The following AKAP13 variants were observed in gnomAD, a reference collection of about 807,000 sequenced individuals.
AKAP13 encodes A-kinase anchor protein 13.
Under a neutral mutation model 264.5 loss-of-function variants are expected in AKAP13, and 80 were observed. That is an observed-to-expected ratio of 0.30 (90% CI 0.25 to 0.36). The LOEUF is 0.36. Among genes scored for constraint, AKAP13 ranks in the 10% least tolerant of loss-of-function variants. The pLI is 1.00. For missense variants in AKAP13, 3,712 were observed against 3,435.2 expected (o/e 1.08, Z -2.01); for synonymous variants, 1,380 against 1,250.2 (o/e 1.10, Z -2.19).
chr15:85,747,493 A>C lies in AKAP13; in HGVS notation c.*2816A>C, dbSNP rs562050440. 1 of 152,712 alleles carries C rather than the reference A, an allele frequency of 6.5e-6. No homozygotes were observed. Among genetic ancestry groups the C allele is most frequent in the South Asian group, 2.1e-4 (1 of 4,826 alleles). The allele number at this position is 152,712 out of a possible 1,614,324, so 9.5% of individuals were successfully genotyped here. The stretch of plus-strand genomic sequence containing the variant: ...AATCACGTGCCTGAAACTGTGCTTA[A>C]GTTTTGGGGGAAAGATGGAGTTCCT... On this transcript the variant is annotated 3_prime_UTR_variant, in exon 37 of 37. Coordinates refer to ENST00000394518, the MANE Select transcript of AKAP13 (RefSeq NM_007200.5).
At chr15:85,571,268 C>CTT (rs35814250) in intron 5 of AKAP13, among the ~76,000 whole-genome samples, 77,422 of 151,122 alleles carry the variant, frequency 0.51, 20,026 homozygotes, top group Middle Eastern at 0.64. Context: ...GACTTATGTA[C>CTT]TTTTTTTTTA....
intron 1 of AKAP13, chr15:85,415,611 C>G (rs140894953): frequency 6.3e-6 from 9 of 1,430,044 alleles, no homozygotes; most frequent in African/African-American, 1.4e-5. Flanking sequence ...CACCTGTACT[C>G]GGATCTATGA....
Position 85,730,604 on chromosome 15 carries a change from C to T in AKAP13, c.7179C>T (p.Leu2393=). 1.2e-6 allele frequency: 2 copies of T among 1,614,158 alleles called. No individual in the cohort carries two copies. The highest frequency in any genetic ancestry group is 8.5e-7 in the Non-Finnish European group (1 of 1,180,006). ...FRDMAECSTP[L]PEDCSPTHSP... ...ACATGGCTGAGTGCAGCACCCCTCT[C>T]CCAGAGGATTGCTCCCCAACACATA... Residue 2393 remains leucine (L), a synonymous_variant, in exon 30 of 37, where the codon CTC becomes CTT. Coordinates refer to ENST00000394518, the MANE Select transcript of AKAP13 (RefSeq NM_007200.5).
chr15:85,627,623 A>C (rs1399781432), intron 8 of AKAP13: 1 of 152,226 alleles, frequency 6.6e-6, no homozygotes, highest in Non-Finnish European at 1.5e-5. Flanking sequence ...GATTCATTGT[A>C]GCTGTATCTC....
chr15:85,609,677 A>G (rs1355792413), intron 8 of AKAP13, among the ~76,000 whole-genome samples: 2 of 152,168 alleles, frequency 1.3e-5, no homozygotes, highest in East Asian at 3.8e-4. Flanking sequence ...TGTATAACCT[A>G]TGCTGTTAAT....
Position 85,485,727 on chromosome 15 carries a change from C to G in AKAP13, c.7C>G (p.Leu3Val), listed in dbSNP as rs1567081946. The G allele has an allele frequency of 3.1e-6, 5 of 1,613,436 alleles. No individual in the cohort carries two copies. Among genetic ancestry groups the G allele is most frequent in the Non-Finnish European group, 4.2e-6 (5 of 1,179,510 alleles). The change falls in exon 2 of 37, where the codon CTT becomes GTT. Residue 3 changes from leucine (L) to valine (V), a missense_variant. This residue lies in a region of AKAP13 where 2,759 missense variants were observed against 2,411.7 expected (regional missense o/e 1.14). Transcript: ENST00000394518. ...TGTTTCAGTGTCCTGGGTCATGAAACTTAATCCACAGCAAGCTCCCTTATA... is the reference window on the plus strand; with the variant it reads ...TGTTTCAGTGTCCTGGGTCATGAAAGTTAATCCACAGCAAGCTCCCTTATA... MK[L>V]NPQQAPLYGD...
In AKAP13 at chr15:85,708,473, T is replaced by C. The variant is rs2151690742; in HGVS notation, c.5532+387T>C. On this transcript the variant is annotated intron_variant, in intron 18 of 36. Coordinates refer to ENST00000394518, the MANE Select transcript of AKAP13 (RefSeq NM_007200.5). This position sits in a 1 kb window ranked among gnomAD's most constrained non-coding sequence, Gnocchi z 4.3. ...GGGCAGCAGGTGGAGGTCAGGGGCA[T>C]TGACCTGCTGGTGGGGGTGGGGAGG... Among the ~76,000 whole-genome samples, 1 of 152,300 alleles carries C rather than the reference T, an allele frequency of 6.6e-6. No homozygotes were observed. Among genetic ancestry groups the C allele is most frequent in the South Asian group, 2.1e-4 (1 of 4,826 alleles).
chr15:85,491,237 A>G (rs910458678), intron 2 of AKAP13, among the ~76,000 whole-genome samples: 1 of 151,954 alleles, frequency 6.6e-6, no homozygotes, highest in African/African-American at 2.4e-5. Context: ...TACAGCTCCT[A>G]TCCCTGTGTG....
intron 30 of AKAP13, among the ~76,000 whole-genome samples, chr15:85,733,175 C>G (rs1440926415): frequency 6.6e-6 from 1 of 152,180 alleles, no homozygotes; most frequent in Non-Finnish European, 1.5e-5. Flanking sequence ...TCCATGAGCT[C>G]TTTCATGCTG....
intron 1 of AKAP13, among the ~76,000 whole-genome samples, chr15:85,393,238 C>T (rs916221767): frequency 1.3e-5 from 2 of 152,182 alleles, no homozygotes; most frequent in African/African-American, 2.4e-5. Flanking sequence ...ATGCTTTGTA[C>T]ACAGAGCGGC....
intron 9 of AKAP13, 56 bp downstream of exon 9, chr15:85,639,505 G>A (rs1486744875): frequency 3.1e-6 from 4 of 1,280,952 alleles, no homozygotes; most frequent in Admixed American, 1.7e-5. Flanking sequence ...CTGGCAGATC[G>A]TTTTATTTGG....
At chr15:85,554,483 C>G (rs546873460) in intron 5 of AKAP13, among the ~76,000 whole-genome samples, 1 of 152,160 alleles carries the variant, frequency 6.6e-6, no homozygotes, top group Non-Finnish European at 1.5e-5. Flanking sequence ...GTGGGGAAAC[C>G]AAGCCCCATT....
At chr15:85,561,302 C>T (rs2078369114) in intron 5 of AKAP13, among the ~76,000 whole-genome samples, 2 of 152,184 alleles carry the variant, frequency 1.3e-5, no homozygotes, top group South Asian at 4.1e-4. Context: ...AGGTGATCCA[C>T]CTGCCTTGGC....
In AKAP13 at chr15:85,724,749, T is replaced by A. The variant is rs2087503368; in HGVS notation, c.6745+1429T>A. Among the ~76,000 whole-genome samples the A allele has an allele frequency of 6.6e-6, 1 of 151,202 alleles. No individual in the cohort carries two copies. The highest frequency in any genetic ancestry group is 2.4e-5 in the African/African-American group (1 of 41,108). ...GGGGCAGTTTAGAGTGCAGCTGGAG[T>A]GAAGAGAGACTGGTGACAGATAAGA... is the stretch of plus-strand genomic sequence containing the variant. On this transcript the variant is annotated intron_variant, in intron 26 of 36. Coordinates refer to ENST00000394518, the MANE Select transcript of AKAP13 (RefSeq NM_007200.5). This position sits in a 1 kb window ranked among gnomAD's most constrained non-coding sequence, Gnocchi z 4.2.
At chr15:85,680,078 A>G (rs773620986) in intron 14 of AKAP13, among the ~76,000 whole-genome samples, 4 of 152,216 alleles carry the variant, frequency 2.6e-5, no homozygotes, top group Admixed American at 6.5e-5. Context: ...TATTCCACAC[A>G]TATCTGCTGG....
intron 3 of AKAP13, among the ~76,000 whole-genome samples, chr15:85,529,375 C>T (rs1023085298): frequency 3.9e-4 from 60 of 152,230 alleles, no homozygotes; most frequent in African/African-American, 1.3e-3. Context: ...GAGCCGAGAT[C>T]GTGCCACTGC....
chr15:85,730,861 A>G (rs187572141), intron 30 of AKAP13, among the ~76,000 whole-genome samples, 154 bp downstream of exon 30: 57 of 152,316 alleles, frequency 3.7e-4, no homozygotes, highest in Non-Finnish European at 1.9e-4. Context: ...TCAGGTGAAT[A>G]TCCTTTTAAC....
chr15:85,692,877 T>G (rs1249037369), intron 16 of AKAP13, among the ~76,000 whole-genome samples: 1 of 152,172 alleles, frequency 6.6e-6, no homozygotes, highest in East Asian at 1.9e-4. Flanking sequence ...GCTGCCACCC[T>G]TTTTTCTGCC....
At chr15:85,490,436 G>A (rs1485024873) in intron 2 of AKAP13, among the ~76,000 whole-genome samples, 2 of 152,192 alleles carry the variant, frequency 1.3e-5, no homozygotes, top group African/African-American at 4.8e-5. Flanking sequence ...AAGGAAGTTG[G>A]TTTTGAAGTG....
Sources: allele counts gnomAD v4.1 joint callset (sites outside exome capture counted in the v4.1 genomes callset), GRCh38; gene constraint gnomAD v4.1.1; regional missense constraint gnomAD v4.1.1; non-coding constraint Gnocchi (gnomAD v3.1); transcripts MANE v1.5; gene names NCBI Gene and HGNC (gene_info 2026-07-23, HGNC 2026-07-21).